Variants in ATXN10 observed in about 807,000 individuals in gnomAD.
ATXN10 encodes ataxin-10.
A neutral mutation model predicts 52.9 loss-of-function variants in ATXN10; 28 were observed. The ratio of observed to expected loss-of-function variants is 0.53; its 90% CI spans 0.39 to 0.73. ATXN10 has a LOEUF of 0.73. Among genes scored for constraint, ATXN10 ranks in the 30% least tolerant of loss-of-function variants. The pLI, the probability that ATXN10 is intolerant of heterozygous loss-of-function variation, is 0.00. For missense variants in ATXN10, 565 were observed against 577.0 expected (o/e 0.98, Z 0.21); for synonymous variants, 226 against 221.5 (o/e 1.02, Z -0.18).
chr22:45,799,340 A>G (rs934342781), intron 9 of ATXN10, among the ~76,000 whole-genome samples: 2 of 152,206 alleles, frequency 1.3e-5, no homozygotes, highest in South Asian at 2.1e-4. Flanking sequence ...CAAAATTCAT[A>G]TGTTGAATTG....
intron 10 of ATXN10, among the ~76,000 whole-genome samples, chr22:45,827,824 A>G (rs1001159006): frequency 6.6e-6 from 1 of 152,232 alleles, no homozygotes; most frequent in African/African-American, 2.4e-5. Flanking sequence ...GAGCATATAC[A>G]TTCTTCTCAA....
chr22:45,740,840 A>AGTT (rs1443684458), intron 9 of ATXN10: 2 of 174,198 alleles, frequency 1.1e-5, no homozygotes, highest in Non-Finnish European at 2.4e-5. Context: ...AATAAACACT[A>AGTT]GTTATTATTG....
rs2082982797 is a variant in ATXN10 at position 45,819,294 on chromosome 22, C to T, written c.1237+12272C>T. ...ACTTTGTATTTTAGAAATTTTGTAT[C>T]TGATGTATAAGATCAGATCATAAGC... On this transcript the variant is annotated intron_variant, in intron 10 of 11. Coordinates refer to ENST00000252934, the MANE Select transcript of ATXN10 (RefSeq NM_013236.4). This position sits in a 1 kb window ranked among gnomAD's most constrained non-coding sequence, Gnocchi z 4.5. 6.6e-6 allele frequency among the ~76,000 whole-genome samples: 1 copy of T among 152,074 alleles called. No homozygotes were observed. The highest frequency in any genetic ancestry group is 6.5e-5 in the Admixed American group (1 of 15,274).
At chr22:45,751,542 T>C (rs1162845579) in intron 9 of ATXN10, among the ~76,000 whole-genome samples, 1 of 151,990 alleles carries the variant, frequency 6.6e-6, no homozygotes, top group East Asian at 1.9e-4. Context: ...TTGAATTTCC[T>C]CTCTGTTGTC....
In ATXN10 at chr22:45,805,481, A is replaced by G. The variant is rs564972486; in HGVS notation, c.1174-1478A>G. Among the ~76,000 whole-genome samples, 135 of 152,334 alleles carry G rather than the reference A, an allele frequency of 8.9e-4. No homozygotes were observed. Among genetic ancestry groups the G allele is most frequent in the South Asian group, 2.5e-3 (12 of 4,822 alleles). ...ATTAGTGGGTGAATGGAAAAATGCA[A>G]TGTGGCATATCCGTACAATGCACTG... On this transcript the variant is annotated intron_variant, in intron 9 of 11. Transcript: ENST00000252934. The surrounding 1 kb of genome is among the most constrained non-coding windows in gnomAD (Gnocchi z 4.4).
chr22:45,799,520 A>C (rs1215107346), intron 9 of ATXN10, among the ~76,000 whole-genome samples: 1 of 152,180 alleles, frequency 6.6e-6, no homozygotes, highest in Non-Finnish European at 1.5e-5. Flanking sequence ...TGAGAATGTC[A>C]TGTGAAAATA....
At chr22:45,812,359 A>T (rs1051462196) in intron 10 of ATXN10, among the ~76,000 whole-genome samples, 1 of 152,220 alleles carries the variant, frequency 6.6e-6, no homozygotes, top group Non-Finnish European at 1.5e-5. Context: ...TAGATAACCA[A>T]AAAATATTTC....
rs752975350 is a variant in ATXN10 at position 45,795,842 on chromosome 22, C to T, written c.1174-11117C>T. Among the ~76,000 whole-genome samples the T allele has an allele frequency of 3.3e-5, 5 of 152,322 alleles. No homozygotes were observed. Among genetic ancestry groups the T allele is most frequent in the Middle Eastern group, 3.4e-3 (1 of 294 alleles). On this transcript the variant is annotated intron_variant, in intron 9 of 11. Coordinates refer to ENST00000252934, the MANE Select transcript of ATXN10 (RefSeq NM_013236.4). The surrounding 1 kb of genome is among the most constrained non-coding windows in gnomAD (Gnocchi z 4.6). ...TGTCTTGTCTTTAATATCTTAATCT[C>T]GTCATCTTCATAAGCTGAGGATGTA...
intron 9 of ATXN10, among the ~76,000 whole-genome samples, chr22:45,799,153 C>A (rs1028128133): frequency 2.0e-5 from 3 of 151,850 alleles, no homozygotes; most frequent in African/African-American, 7.3e-5. Flanking sequence ...TCACTGCAAC[C>A]CCCGCCTCCC....
chr22:45,761,582 G>A (rs1415082508), intron 9 of ATXN10, among the ~76,000 whole-genome samples: 1 of 152,146 alleles, frequency 6.6e-6, no homozygotes, highest in African/African-American at 2.4e-5. Context: ...GTATAATCTC[G>A]AAAAGGTAAA....
At position 45,689,728 on chromosome 22, in the gene ATXN10, A is replaced by G. The variant is rs748333626; in HGVS notation, c.133A>G (p.Thr45Ala). 25 of 1,614,092 alleles carry G rather than the reference A, an allele frequency of 1.5e-5. No homozygotes were observed. Among genetic ancestry groups the G allele is most frequent in the Non-Finnish European group, 2.0e-5 (24 of 1,179,988 alleles). ...CTTTTTCAGAGAAACAGCACCCAGGACTATCTTCCAAAGAGTTCTGGATAT... is the reference window on the plus strand; with the variant it reads ...CTTTTTCAGAGAAACAGCACCCAGGGCTATCTTCCAAAGAGTTCTGGATAT... Reference protein sequence around the residue: ...EQRNRETAPRTIFQRVLDILK... With the variant: ...EQRNRETAPRAIFQRVLDILK... Residue 45 changes from threonine to alanine, a missense_variant, in exon 2 of 12, where the codon ACT becomes GCT. Physicochemically the swap from Thr to Ala is moderately conservative, Grantham distance 58 (BLOSUM62 0). Transcript: ENST00000252934.
intron 9 of ATXN10, among the ~76,000 whole-genome samples, chr22:45,779,957 A>T (rs1208591672): frequency 3.9e-5 from 6 of 152,254 alleles, no homozygotes; most frequent in Non-Finnish European, 5.9e-5. Flanking sequence ...AGTATACTCC[A>T]ATGATTTTAC....
Position 45,843,229 on chromosome 22 carries a change from T to C in ATXN10, c.1425+51T>C. On this transcript the variant is annotated intron_variant, in intron 11 of 11. Transcript: ENST00000252934. The surrounding 1 kb of genome is among the most constrained non-coding windows in gnomAD (Gnocchi z 4.5). Reference sequence around the variant, plus strand: ...TTCCCTTTGGTTTGTAGAAAGCTGTTTCCACTTCCCCATTGCTTCAAGCAC... The same window carrying C: ...TTCCCTTTGGTTTGTAGAAAGCTGTCTCCACTTCCCCATTGCTTCAAGCAC... 1 of 1,583,830 alleles carries C rather than the reference T, an allele frequency of 6.3e-7. No individual in the cohort carries two copies. The highest frequency in any genetic ancestry group is 8.7e-7 in the Non-Finnish European group (1 of 1,153,488).
At chr22:45,796,807 A>G (rs1404031687) in intron 9 of ATXN10, among the ~76,000 whole-genome samples, 2 of 152,184 alleles carry the variant, frequency 1.3e-5, no homozygotes, top group African/African-American at 2.4e-5. Context: ...CCTATACTGG[A>G]TTTTGAAAGG....
intron 1 of ATXN10, chr22:45,679,928 AC>A (rs1922852318): frequency 6.6e-6 from 1 of 152,218 alleles, no homozygotes; most frequent in Admixed American, 6.5e-5. Context: ...AATAAATAAA[AC>A]CAATCGAAAT....
At chr22:45,771,427 T>A (rs963365237) in intron 9 of ATXN10, among the ~76,000 whole-genome samples, 2 of 150,656 alleles carry the variant, frequency 1.3e-5, no homozygotes, top group Non-Finnish European at 3.0e-5. Flanking sequence ...TTTTTTTTTT[T>A]TTTTCTTGAG....
chr22:45,799,608 T>C (rs568470728), intron 9 of ATXN10, among the ~76,000 whole-genome samples: 4 of 152,268 alleles, frequency 2.6e-5, no homozygotes, highest in Admixed American at 2.6e-4. Flanking sequence ...CTAGAACAAA[T>C]TCTCCTTCAT....
intron 6 of ATXN10, among the ~76,000 whole-genome samples, chr22:45,723,657 T>G (rs1017541935): frequency 2.0e-5 from 3 of 152,130 alleles, no homozygotes; most frequent in Non-Finnish European, 4.4e-5. Flanking sequence ...AGTTCTTCAC[T>G]TAGAATAATG....
chr22:45,705,256 C>G lies in ATXN10; in HGVS notation c.647+2409C>G, dbSNP rs1923994250. 2.0e-5 allele frequency among the ~76,000 whole-genome samples: 3 copies of G among 151,874 alleles called. No homozygotes were observed. Among genetic ancestry groups the G allele is most frequent in the Admixed American group, 6.6e-5 (1 of 15,260 alleles). ...TGATTTCTTTTTCTGGTTTTGGTAT[C>G]AGGTAAATACTGACTTTACAGAATG... On this transcript the variant is annotated intron_variant, in intron 5 of 11. Coordinates refer to ENST00000252934, the MANE Select transcript of ATXN10 (RefSeq NM_013236.4). The surrounding 1 kb of genome is among the most constrained non-coding windows in gnomAD (Gnocchi z 5.2).
Sources: gnomAD v4.1 joint callset for allele counts (sites outside exome capture counted in the v4.1 genomes callset) on GRCh38, gnomAD v4.1.1 for gene constraint, Gnocchi (gnomAD v3.1) non-coding constraint, MANE v1.5 for transcripts, NCBI Gene and HGNC (gene_info 2026-07-23, HGNC 2026-07-21) for gene names.